CYP2C8: variants seen among roughly 807,000 people sequenced by gnomAD.
CYP2C8 encodes the protein cytochrome P450 2C8.
Under a neutral mutation model 41.3 loss-of-function variants are expected in CYP2C8, and 51 were observed. The ratio of observed to expected loss-of-function variants is 1.24; its 90% confidence interval spans 0.99 to 1.56. The LOEUF is 1.56. Among genes scored for constraint, CYP2C8 ranks in the 40% most tolerant of loss-of-function variants. The pLI is 0.00. For missense variants in CYP2C8, 651 were observed against 579.9 expected (o/e 1.12, Z -1.26); for synonymous variants, 218 against 205.8 (o/e 1.06, Z -0.51).
chr10:95,068,510 T>C (rs2033615754), intron 1 of CYP2C8: 1 of 994,590 alleles, frequency 1.0e-6, no homozygotes, highest in Non-Finnish European at 1.4e-6. Context: ...TTCAGAGAAG[T>C]TCAATTTTCA....
chr10:95,068,546 C>T lies in CYP2C8; in HGVS notation c.168+689G>A. ...TGACCATTCTGAATAAAACACATGACTACTATAGTAGAGAACTTATTGGAT... is the reference window on the plus strand; with the variant it reads ...TGACCATTCTGAATAAAACACATGATTACTATAGTAGAGAACTTATTGGAT... On this transcript the variant is annotated intron_variant, in intron 1 of 8. Transcript: ENST00000371270. The T allele has an allele frequency of 4.8e-6, 6 of 1,237,658 alleles. No individual in the cohort carries two copies. In the South Asian group the frequency reaches 7.5e-5, roughly 15 times the overall value. 76.7% of individuals were successfully genotyped at this position (1,237,658 alleles called of 1,614,324 possible).
At position 95,042,927 on chromosome 10, in the gene CYP2C8, G is replaced by A. The variant is rs943138692; in HGVS notation, c.1112C>T (p.Thr371Ile). 14 of 1,614,154 alleles carry A rather than the reference G, an allele frequency of 8.7e-6. No homozygotes were observed. Among genetic ancestry groups the A allele is most frequent in the Admixed American group, 1.7e-5 (1 of 60,028 alleles). The part of the protein sequence containing the change: ...LVPTGVPHAV[T>I]TDTKFRNYLI... ...GTAGTTTCTGAACTTAGTATCAGTG[G>A]TCACTGCATGGGGCACACCGGTGGG... Residue 371 changes from threonine (T) to isoleucine (I), a missense_variant, in exon 7 of 9, where the codon ACC (threonine) becomes ATC (isoleucine). Physicochemically the swap from Thr to Ile is moderately conservative, Grantham distance 89 (BLOSUM62 -1). Transcript: ENST00000371270.
At chr10:95,053,675 A>G (rs1470548786) in intron 5 of CYP2C8, among the ~76,000 whole-genome samples, 1 of 152,176 alleles carries the variant, frequency 6.6e-6, no homozygotes, top group Non-Finnish European at 1.5e-5. Flanking sequence ...ACAGAAAACC[A>G]AACACTGCAT....
intron 4 of CYP2C8, among the ~76,000 whole-genome samples, chr10:95,064,283 C>T (rs1029506786): frequency 3.9e-5 from 6 of 152,170 alleles, no homozygotes; most frequent in Non-Finnish European, 8.8e-5. Context: ...CCACCCAGAT[C>T]GAGCTTCCTG....
chr10:95,042,936 T>A lies in CYP2C8; in HGVS notation c.1103A>T (p.His368Leu). 1 of 1,614,190 alleles carries A rather than the reference T, an allele frequency of 6.2e-7. No homozygotes were observed. Among genetic ancestry groups the A allele is most frequent in the Middle Eastern group, 1.6e-4 (1 of 6,062 alleles). The change falls in exon 7 of 9, where the codon CAT becomes CTT. Residue 368 changes from histidine (H) to leucine (L), a missense_variant. Transcript: ENST00000371270. ...YSDLVPTGVP[H>L]AVTTDTKFRN... is the part of the protein sequence containing the mutation. ...GAACTTAGTATCAGTGGTCACTGCA[T>A]GGGGCACACCGGTGGGGACAAGGTC...
chr10:95,069,016 T>G (rs887917202), intron 1 of CYP2C8, among the ~76,000 whole-genome samples: 1 of 150,106 alleles, frequency 6.7e-6, no homozygotes, highest in Non-Finnish European at 1.5e-5. Context: ...TGAGTGGAGA[T>G]AGTGCCACTG....
intron 5 of CYP2C8, among the ~76,000 whole-genome samples, chr10:95,055,398 AAC>A (rs2134424840): frequency 6.6e-6 from 1 of 152,338 alleles, no homozygotes; most frequent in African/African-American, 2.4e-5. Context: ...TTCTTCAACA[AAC>A]AGTGCTGGGA....
chr10:95,066,052 G>A lies in CYP2C8; in HGVS notation c.482-1092C>T, dbSNP rs182146743. Among the ~76,000 whole-genome samples the A allele has an allele frequency of 1.5e-4, 22 of 150,530 alleles. No individual in the cohort carries two copies. In the South Asian group the frequency reaches 4.0e-3, roughly 27 times the overall value. ...TGCCAGACTCCTTTAAACATTACAG[G>A]GCTCTAAAGTTTCAGAAAAACTGTT... On this transcript the variant is annotated intron_variant, in intron 3 of 8. Coordinates refer to ENST00000371270, the MANE Select transcript of CYP2C8 (RefSeq NM_000770.3).
Position 95,037,300 on chromosome 10 carries a change from ATT to A in CYP2C8, c.1299_1300del (p.Ile434LeufsTer23), listed in dbSNP as rs1471030419. On this transcript the variant is annotated frameshift_variant, in exon 9 of 9. Transcript: ENST00000371270. LOFTEE classifies it low-confidence loss of function (END_TRUNC). ...GCGGGCAAGTCCTTCTCCTGCACAA[ATT>A]CGTTTTCCTGAAGATAACAAAGAAA... 6.2e-7 allele frequency: 1 copy of A among 1,613,196 alleles called. No homozygotes were observed.
At chr10:95,039,308 G>T in intron 7 of CYP2C8, 2 of 434,672 alleles carry the variant, frequency 4.6e-6, no homozygotes, top group Non-Finnish European at 8.5e-6. Context: ...CCCTTTTCTG[G>T]CCTCATTTGC....
chr10:95,044,229 T>C (rs1383328073), intron 6 of CYP2C8, among the ~76,000 whole-genome samples: 1 of 152,200 alleles, frequency 6.6e-6, no homozygotes, highest in East Asian at 1.9e-4. Flanking sequence ...AAACTTAGTA[T>C]AGAGGGTAAA....
intron 4 of CYP2C8, among the ~76,000 whole-genome samples, chr10:95,064,309 T>C (rs1030831943): frequency 6.6e-6 from 1 of 152,148 alleles, no homozygotes; most frequent in Non-Finnish European, 1.5e-5. Flanking sequence ...TTTGTTTACC[T>C]ACTCAAGCCT....
At chr10:95,066,149 A>T (rs1304919296) in intron 3 of CYP2C8, among the ~76,000 whole-genome samples, 3,850 of 116,038 alleles carry the variant, frequency 0.033, 195 homozygotes, top group African/African-American at 0.14. Flanking sequence ...AGAGAGAGAG[A>T]GAGAGTGTGT....
At chr10:95,054,265 T>A (rs1298900324) in intron 5 of CYP2C8, among the ~76,000 whole-genome samples, 3 of 151,912 alleles carry the variant, frequency 2.0e-5, no homozygotes, top group Non-Finnish European at 4.4e-5. Flanking sequence ...AGAAAATCAA[T>A]CAATGTAATA....
intron 3 of CYP2C8, among the ~76,000 whole-genome samples, chr10:95,065,528 T>A (rs2033543396): frequency 6.6e-6 from 1 of 152,234 alleles, no homozygotes; most frequent in Non-Finnish European, 1.5e-5. Context: ...CAGATTTGTT[T>A]ATCTAAATAA....
In CYP2C8 at chr10:95,037,288, T is replaced by C. The variant is rs372999683; in HGVS notation, c.1313A>G (p.Glu438Gly). ...AAATAGCTCCATGCGGGCAAGTCCT[T>C]CTCCTGCACAAATTCGTTTTCCTGA... ...FSAGKRICAG[E>G]GLARMELFLF... Residue 438 changes from glutamate to glycine, a missense_variant, in exon 9 of 9, where the codon GAA becomes GGA. Physicochemically the swap from Glu to Gly is moderately conservative, Grantham distance 98 (BLOSUM62 -2). Transcript: ENST00000371270. The C allele has an allele frequency of 3.7e-6, 6 of 1,613,430 alleles. No homozygotes were observed. The highest frequency in any genetic ancestry group is 1.3e-5 in the African/African-American group (1 of 74,922).
chr10:95,044,555 G>T (rs565462026), intron 6 of CYP2C8, among the ~76,000 whole-genome samples: 40 of 152,210 alleles, frequency 2.6e-4, no homozygotes, highest in Admixed American at 7.9e-4. Context: ...TGAATGTCAG[G>T]AAGCAAGATG....
intron 6 of CYP2C8, 33 bp from the exon 7 acceptor site, chr10:95,043,110 G>A (rs963410447): frequency 3.6e-5 from 58 of 1,596,072 alleles, no homozygotes; most frequent in Admixed American, 1.5e-4. Flanking sequence ...TGATGGAAAC[G>A]AAGATATATG....
At chr10:95,068,213 G>T (rs2033610625) in intron 1 of CYP2C8, among the ~76,000 whole-genome samples, 4 of 152,164 alleles carry the variant, frequency 2.6e-5, no homozygotes, top group Admixed American at 2.6e-4. Context: ...TGTATTTACA[G>T]TGTCACCCCA....
Sources: allele counts gnomAD v4.1 joint callset (sites outside exome capture counted in the v4.1 genomes callset), GRCh38; gene constraint gnomAD v4.1.1; transcripts MANE v1.5; gene names NCBI Gene and HGNC (gene_info 2026-07-23, HGNC 2026-07-21).